Variants in SLC5A8 observed in about 807,000 individuals in gnomAD.
SLC5A8 encodes solute carrier family 5 member 8, also known as sodium-coupled monocarboxylate transporter 1.
Under a neutral mutation model 71.9 loss-of-function variants are expected in SLC5A8, and 55 were observed. The observed-to-expected ratio is 0.77, with a 90% CI of 0.62 to 0.96. The LOEUF (loss-of-function observed/expected upper bound fraction) is 0.96. Ranked by LOEUF, SLC5A8 falls within the 40% of genes least tolerant of loss-of-function variation. The pLI, the probability that SLC5A8 is intolerant of heterozygous loss-of-function variation, is 0.00. For missense variants in SLC5A8, 701 were observed against 745.3 expected (o/e 0.94, Z 0.69); for synonymous variants, 307 against 276.1 (o/e 1.11, Z -1.11).
chr12:101,166,733 A>C (rs2051775348), intron 11 of SLC5A8, 34 bp from the exon 12 acceptor site: 2 of 1,531,478 alleles, frequency 1.3e-6, no homozygotes, highest in Middle Eastern at 1.7e-4. Context: ...AAGAAAAATA[A>C]TACAATTTGC....
At chr12:101,208,127 T>C (rs954462438) in intron 1 of SLC5A8, among the ~76,000 whole-genome samples, 5 of 151,608 alleles carry the variant, frequency 3.3e-5, no homozygotes, top group East Asian at 1.9e-4. Flanking sequence ...GAGAAGTGAA[T>C]TTGGTCTGGG....
rs778182724 is a variant in SLC5A8 at position 101,184,169 on chromosome 12, T to C, written c.1017A>G (p.Gly339=). The C allele has an allele frequency of 7.4e-6, 12 of 1,614,112 alleles. No homozygotes were observed. The highest frequency in any genetic ancestry group is 1.0e-5 in the Non-Finnish European group (12 of 1,180,020). Residue 339 remains glycine (G), a synonymous_variant, in exon 8 of 15, where the codon GGA becomes GGG. Transcript: ENST00000536262. ...DILQDYPGLP[G]LFVACAYSGT... Reference sequence around the variant, plus strand: ...CACTGTAAGCACAGGCCACAAAAAGTCCAGGAAGTCCTGGATAATCTTGCA... The same window carrying C: ...CACTGTAAGCACAGGCCACAAAAAGCCCAGGAAGTCCTGGATAATCTTGCA...
chr12:101,169,014 A>T (rs149376973), intron 10 of SLC5A8, among the ~76,000 whole-genome samples: 35 of 152,298 alleles, frequency 2.3e-4, no homozygotes, highest in African/African-American at 8.4e-4. Flanking sequence ...TGTTGTTTTA[A>T]ATAGGCCTAC....
At chr12:101,199,228 C>A (rs1271511623) in intron 3 of SLC5A8, 1 of 151,950 alleles carries the variant, frequency 6.6e-6, no homozygotes, top group Non-Finnish European at 1.5e-5. Context: ...CAAAACATTA[C>A]TAAGAGACTT....
intron 10 of SLC5A8, among the ~76,000 whole-genome samples, chr12:101,176,268 A>G (rs1326431300): frequency 1.3e-5 from 2 of 152,066 alleles, no homozygotes; most frequent in African/African-American, 4.8e-5. Context: ...ATTATATAAT[A>G]ACAAAAAGGT....
At chr12:101,176,479 G>T (rs1056250319) in intron 10 of SLC5A8, among the ~76,000 whole-genome samples, 1 of 151,838 alleles carries the variant, frequency 6.6e-6, no homozygotes, top group East Asian at 1.9e-4. Flanking sequence ...AATAAAAAAA[G>T]AATACACATT....
At chr12:101,205,050 A>G (rs1256904551) in intron 1 of SLC5A8, among the ~76,000 whole-genome samples, 1 of 152,196 alleles carries the variant, frequency 6.6e-6, no homozygotes, top group East Asian at 1.9e-4. Context: ...TTCTGACTGC[A>G]GACTATTGTG....
chr12:101,182,732 GA>G, intron 9 of SLC5A8, 70 bp downstream of exon 9: 1 of 1,105,980 alleles, frequency 9.0e-7, no homozygotes, highest in Non-Finnish European at 1.3e-6. Context: ...AGCTTCAGTG[GA>G]AAAGAAATTT....
At chr12:101,200,647 T>C (rs1869420851) in intron 3 of SLC5A8, among the ~76,000 whole-genome samples, 1 of 152,066 alleles carries the variant, frequency 6.6e-6, no homozygotes, top group African/African-American at 2.4e-5. Flanking sequence ...ATGATTATGG[T>C]TTTTAAAGTC....
intron 3 of SLC5A8, among the ~76,000 whole-genome samples, chr12:101,199,981 G>A (rs1869368615): frequency 1.5e-5 from 1 of 67,214 alleles, no homozygotes; most frequent in Non-Finnish European, 2.9e-5. Context: ...AAAAATGTTG[G>A]TAGAGGCATA....
rs762496866 is a variant in SLC5A8, at chr12:101,209,554, T to C, written c.295A>G (p.Ser99Gly). Reference sequence around the variant, plus strand: ...AACACCGGGAGGAAGACCTCCGCGCTGATGACCACCACAAAGAAGTAGGTG... The same window carrying C: ...AACACCGGGAGGAAGACCTCCGCGCCGATGACCACCACAAAGAAGTAGGTG... The part of the protein sequence containing the change: ...AFTYFFVVVI[S>G]AEVFLPVFYK... The change falls in exon 1 of 15, where the codon AGC becomes GGC. Residue 99 changes from serine to glycine, a missense_variant. Coordinates refer to ENST00000536262, the MANE Select transcript of SLC5A8 (RefSeq NM_145913.5). 1.9e-6 allele frequency: 3 copies of C among 1,613,564 alleles called. No homozygotes were observed. Among genetic ancestry groups the C allele is most frequent in the Non-Finnish European group, 2.5e-6 (3 of 1,179,806 alleles).
intron 7 of SLC5A8, 76 bp downstream of exon 7, chr12:101,187,303 AAGAATAT>A: frequency 7.0e-7 from 1 of 1,423,678 alleles, no homozygotes; most frequent in Non-Finnish European, 9.3e-7. Context: ...GTTTCTCTAC[AAGAATAT>A]GAATGCTCTT....
intron 10 of SLC5A8, among the ~76,000 whole-genome samples, chr12:101,172,282 A>G (rs1456444996): frequency 6.6e-6 from 1 of 150,762 alleles, no homozygotes; most frequent in Non-Finnish European, 1.5e-5. Context: ...TGGGTGGGAC[A>G]GTCCAGGTGG....
intron 10 of SLC5A8, among the ~76,000 whole-genome samples, chr12:101,173,652 G>A (rs140019615): frequency 2.4e-4 from 36 of 152,358 alleles, no homozygotes; most frequent in Non-Finnish European, 4.3e-4. Context: ...TGCATGGTGG[G>A]CTGGGAACAG....
intron 10 of SLC5A8, among the ~76,000 whole-genome samples, chr12:101,179,635 T>A (rs2051913278): frequency 6.6e-6 from 1 of 151,774 alleles, no homozygotes; most frequent in South Asian, 2.1e-4. Context: ...AAGGAGGGAG[T>A]AGGGGCAGAA....
In SLC5A8 at chr12:101,204,510, A is replaced by C; in HGVS notation, c.407T>G (p.Ile136Ser). ...TGGAGAGCTACTTACTGTTTGAACA[A>C]TGAAGAGGACTGTTCCACAGAGACG... ...CVRLCGTVLF[I>S]VQTILYTGIV... The change falls in exon 2 of 15, where the codon ATT (isoleucine) becomes AGT (serine). Residue 136 changes from isoleucine to serine, a missense_variant. Coordinates refer to ENST00000536262, the MANE Select transcript of SLC5A8 (RefSeq NM_145913.5). The C allele has an allele frequency of 6.3e-7, 1 of 1,596,082 alleles. No homozygotes were observed. The highest frequency in any genetic ancestry group is 1.2e-5 in the South Asian group (1 of 85,572).
intron 3 of SLC5A8, among the ~76,000 whole-genome samples, chr12:101,200,753 G>A (rs1451665382): frequency 6.6e-6 from 1 of 152,066 alleles, no homozygotes; most frequent in African/African-American, 2.4e-5. Flanking sequence ...GAATTAAAAT[G>A]GACCATGAGT....
At chr12:101,180,769 G>T (rs1166374465) in intron 9 of SLC5A8, among the ~76,000 whole-genome samples, 1 of 150,806 alleles carries the variant, frequency 6.6e-6, no homozygotes, top group African/African-American at 2.5e-5. Flanking sequence ...GCCCAGGCTG[G>T]CCTCAAACTC....
intron 4 of SLC5A8, among the ~76,000 whole-genome samples, 173 bp downstream of exon 4, chr12:101,194,922 A>G (rs554217953): frequency 2.0e-5 from 3 of 152,338 alleles, no homozygotes; most frequent in Admixed American, 6.5e-5. Context: ...CATTTTCTAC[A>G]AAGGATCAAA....
Sources: gnomAD v4.1 joint callset for allele counts (sites outside exome capture counted in the v4.1 genomes callset) on GRCh38, gnomAD v4.1.1 for gene constraint, MANE v1.5 for transcripts, NCBI Gene and HGNC (gene_info 2026-07-23, HGNC 2026-07-21) for gene names.